SIMC1: variants seen among roughly 807,000 people sequenced by gnomAD.
The protein encoded by SIMC1 is SUMO-interacting motif-containing protein 1.
SIMC1 carries 55 observed loss-of-function variants against 82.3 expected under a neutral mutation model. The ratio of observed to expected loss-of-function variants is 0.67; its 90% confidence interval spans 0.54 to 0.84. SIMC1 has a LOEUF of 0.84. SIMC1 is among the 40% of genes least tolerant of loss of function. The pLI, the probability that SIMC1 is intolerant of heterozygous loss-of-function variation, is 0.00. For synonymous variants in SIMC1, 353 were observed against 426.3 expected (o/e 0.83, Z 2.12); for missense variants, 915 against 1,107.2 (o/e 0.83, Z 2.46).
intron 2 of SIMC1, 88 bp from the exon 3 acceptor site, chr5:176,294,942 G>A (rs1208390508): frequency 6.9e-7 from 1 of 1,451,068 alleles, no homozygotes; most frequent in Non-Finnish European, 9.1e-7. Flanking sequence ...TCCAGCCTGG[G>A]GAACAGAGCA....
intron 6 of SIMC1, chr5:176,322,664 G>A (rs759296090): frequency 1.3e-5 from 6 of 456,844 alleles, no homozygotes; most frequent in African/African-American, 3.9e-5. Context: ...AAGTCACAAC[G>A]CAGATGCAAA....
intron 9 of SIMC1, among the ~76,000 whole-genome samples, chr5:176,341,585 AGGCAGTGGATG>A (rs1434272051): frequency 1.4e-4 from 21 of 152,222 alleles, no homozygotes; most frequent in Non-Finnish European, 7.3e-5. Flanking sequence ...ACAGTGGAGA[AGGCAGTGGATG>A]GGACAGAAGC....
At chr5:176,275,108 G>GC (rs1275578460) in intron 1 of SIMC1, among the ~76,000 whole-genome samples, 1 of 151,606 alleles carries the variant, frequency 6.6e-6, no homozygotes, top group East Asian at 1.9e-4. Context: ...CTACCCATGA[G>GC]CATGGAATGT....
intron 4 of SIMC1, among the ~76,000 whole-genome samples, chr5:176,311,697 C>G (rs1259397111): frequency 6.6e-6 from 1 of 152,060 alleles, no homozygotes; most frequent in Non-Finnish European, 1.5e-5. Context: ...AAAAACTTCA[C>G]AAGAAAGGAA....
intron 7 of SIMC1, 97 bp downstream of exon 7, chr5:176,324,854 C>T (rs1765310167): frequency 2.2e-6 from 3 of 1,364,106 alleles, no homozygotes; most frequent in Admixed American, 5.6e-5. Context: ...TCTATCTATG[C>T]TACCTGTCAG....
chr5:176,334,817 G>T (rs1476061246), intron 7 of SIMC1, among the ~76,000 whole-genome samples: 1 of 152,164 alleles, frequency 6.6e-6, no homozygotes, highest in Non-Finnish European at 1.5e-5. Flanking sequence ...GTCCTGCAGG[G>T]CACAGTGGCT....
At chr5:176,308,859 C>T (rs1291374365) in intron 4 of SIMC1, 23 of 1,284,010 alleles carry the variant, frequency 1.8e-5, no homozygotes, top group Non-Finnish European at 2.5e-5. Context: ...CATAATGGCT[C>T]AGTGTTTACC....
intron 6 of SIMC1, among the ~76,000 whole-genome samples, chr5:176,323,659 G>A (rs1351686090): frequency 6.6e-6 from 1 of 152,200 alleles, no homozygotes; most frequent in Admixed American, 6.5e-5. Flanking sequence ...ACTAGCTGCA[G>A]ATTTTCTTAA....
intron 1 of SIMC1, among the ~76,000 whole-genome samples, chr5:176,272,384 C>CA (rs70991523): frequency 0.47 from 67,448 of 143,140 alleles, 16,566 homozygotes; most frequent in Non-Finnish European, 0.57. Flanking sequence ...TGCAATAAGG[C>CA]AAAAAAAAAA....
rs561768078 is a variant in SIMC1, at chr5:176,286,507, A to C, written c.130-3147A>C. ...TAATTCAAGATGGATTAAAGACTTA[A>C]ATGTTAGATCTAAAAGCATAAAAAC... is the stretch of plus-strand genomic sequence containing the variant. On this transcript the variant is annotated intron_variant, in intron 1 of 9. Coordinates refer to ENST00000429602, the MANE Select transcript of SIMC1 (RefSeq NM_001308195.2). Among the ~76,000 whole-genome samples the C allele has an allele frequency of 3.7e-3, 560 of 152,342 alleles. 3 individuals carry two copies. The highest frequency in any genetic ancestry group is 0.013 in the African/African-American group (532 of 41,582).
At chr5:176,300,169 A>T (rs1353241677) in intron 4 of SIMC1, among the ~76,000 whole-genome samples, 1 of 152,228 alleles carries the variant, frequency 6.6e-6, no homozygotes, top group South Asian at 2.1e-4. Context: ...AAAAAGAAAG[A>T]TCTCAAACCA....
intron 4 of SIMC1, among the ~76,000 whole-genome samples, chr5:176,300,909 C>A (rs1764014510): frequency 6.6e-6 from 1 of 152,130 alleles, no homozygotes. Flanking sequence ...AATAAAAAAT[C>A]TGAACAGAAC....
At chr5:176,244,912 G>A (rs1261011633) in intron 1 of SIMC1, among the ~76,000 whole-genome samples, 1 of 151,594 alleles carries the variant, frequency 6.6e-6, no homozygotes, top group Admixed American at 6.6e-5. Context: ...GTAGAGACAG[G>A]GTTTTACCAT....
At chr5:176,279,991 C>T (rs377247916) in intron 1 of SIMC1, among the ~76,000 whole-genome samples, 21,068 of 151,464 alleles carry the variant, frequency 0.14, 1,461 homozygotes, top group Middle Eastern at 0.19. Flanking sequence ...CTATTAGGTC[C>T]GCTTGGTGCA....
chr5:176,245,652 A>G (rs1761411450), intron 1 of SIMC1, among the ~76,000 whole-genome samples: 1 of 152,192 alleles, frequency 6.6e-6, no homozygotes, highest in African/African-American at 2.4e-5. Context: ...GTCAACCTAA[A>G]TAACAGACAG....
intron 1 of SIMC1, among the ~76,000 whole-genome samples, chr5:176,281,284 G>C (rs1304996372): frequency 6.6e-6 from 1 of 152,156 alleles, no homozygotes; most frequent in Non-Finnish European, 1.5e-5. Flanking sequence ...AGCTCCATCA[G>C]CTCCTTTAAG....
chr5:176,284,656 G>A (rs1049503956), intron 1 of SIMC1, among the ~76,000 whole-genome samples: 1 of 152,164 alleles, frequency 6.6e-6, no homozygotes, highest in Non-Finnish European at 1.5e-5. Context: ...CTAGCCAGCG[G>A]AAGGCAAGAA....
chr5:176,280,843 T>A (rs1019357704), intron 1 of SIMC1, among the ~76,000 whole-genome samples: 1 of 152,210 alleles, frequency 6.6e-6, no homozygotes, highest in Non-Finnish European at 1.5e-5. Flanking sequence ...ACCCGACCTT[T>A]CTCTCTGGCT....
At chr5:176,280,826 G>T (rs1397039773) in intron 1 of SIMC1, among the ~76,000 whole-genome samples, 4 of 152,142 alleles carry the variant, frequency 2.6e-5, no homozygotes, top group Non-Finnish European at 4.4e-5. Context: ...GCTTCCCTTT[G>T]TGGGTAACCC....
Sources: allele counts gnomAD v4.1 joint callset (sites outside exome capture counted in the v4.1 genomes callset), GRCh38; gene constraint gnomAD v4.1.1; transcripts MANE v1.5; gene names NCBI Gene and HGNC (gene_info 2026-07-23, HGNC 2026-07-21).